ECT2L: variants seen among roughly 807,000 people sequenced by gnomAD.
ECT2L encodes the protein epithelial cell transforming 2 like.
A neutral mutation model predicts 122.8 loss-of-function variants in ECT2L; 126 were observed. That is an observed-to-expected ratio of 1.03 (90% CI 0.89 to 1.19). ECT2L has a LOEUF of 1.19. ECT2L is among the 50% of genes most tolerant of loss of function. The pLI is 0.00. For missense variants in ECT2L, 1,012 were observed against 1,064.1 expected (o/e 0.95, Z 0.68); for synonymous variants, 385 against 381.8 (o/e 1.01, Z -0.10).
intron 19 of ECT2L, among the ~76,000 whole-genome samples, chr6:138,888,207 C>G (rs1470526214): frequency 6.6e-6 from 1 of 151,966 alleles, no homozygotes; most frequent in Admixed American, 6.6e-5. Context: ...TCAGAGTCTA[C>G]AAAACTCTCT....
intron 13 of ECT2L, 21 bp from the exon 14 acceptor site, chr6:138,876,450 CA>C: frequency 6.4e-7 from 1 of 1,573,794 alleles, no homozygotes; most frequent in Non-Finnish European, 8.7e-7. Context: ...CTCCAATAAC[CA>C]AGTTTCCATT....
chr6:138,802,263 G>A (rs1241634428), intron 1 of ECT2L, among the ~76,000 whole-genome samples: 4 of 152,268 alleles, frequency 2.6e-5, no homozygotes, highest in African/African-American at 9.6e-5. Flanking sequence ...CAGTCCAGCT[G>A]TGGCATCCTC....
intron 4 of ECT2L, among the ~76,000 whole-genome samples, chr6:138,817,682 T>C (rs578260370): frequency 6.6e-6 from 1 of 152,334 alleles, no homozygotes; most frequent in East Asian, 1.9e-4. Flanking sequence ...CTAATAAGTA[T>C]TCCCTAGTAA....
At chr6:138,882,641 GC>G in intron 15 of ECT2L, 82 bp from the exon 16 acceptor site, 1 of 1,514,682 alleles carries the variant, frequency 6.6e-7, no homozygotes, top group Non-Finnish European at 9.0e-7. Context: ...GGGTGAAAAT[GC>G]CCATGCTGAT....
At chr6:138,847,353 A>G (rs1777258278) in intron 8 of ECT2L, among the ~76,000 whole-genome samples, 1 of 127,092 alleles carries the variant, frequency 7.9e-6, no homozygotes, top group African/African-American at 3.6e-5. Context: ...TAAAGGCCCA[A>G]ACTTTTTTTT....
intron 19 of ECT2L, 111 bp downstream of exon 19, chr6:138,887,033 C>G: frequency 4.7e-6 from 4 of 853,078 alleles, no homozygotes; most frequent in Admixed American, 2.0e-5. Flanking sequence ...GGAATGCCTG[C>G]TACGTGCCAG....
rs552594959 is a variant in ECT2L at position 138,890,492 on chromosome 6, C to CTTTTTTTTTTTTTTTTTTTTTTTT, written c.2414+1466_2414+1489dup. Among the ~76,000 whole-genome samples, 14 of 78,986 alleles carry CTTTTTTTTTTTTTTTTTTTTTTTT rather than the reference C, an allele frequency of 1.8e-4. 4 individuals carry two copies. The highest frequency in any genetic ancestry group is 1.4e-3 in the South Asian group (2 of 1,390). 51.8% of individuals were successfully genotyped at this position (78,986 alleles called of 152,430 possible). On this transcript the variant is annotated intron_variant, in intron 20 of 21. Transcript: ENST00000541398. Reference sequence around the variant, plus strand: ...TCATGACATTTTTGTTTTCTTTGATCTTTTTTTTTTTTTTTTTTTTTTTTT... The same window carrying CTTTTTTTTTTTTTTTTTTTTTTTT: ...TCATGACATTTTTGTTTTCTTTGATCTTTTTTTTTTTTTTTTTTTTTTTTTTTTTTTTTTTTTTTTTTTTTTTTT...
In ECT2L at chr6:138,876,453, G is replaced by A. The variant is rs776194071; in HGVS notation, c.1579-19G>A. 15 of 1,583,854 alleles carry A rather than the reference G, an allele frequency of 9.5e-6. No homozygotes were observed. The highest frequency in any genetic ancestry group is 1.7e-5 in the Admixed American group (1 of 59,586). ...GTCAAGACCTGCCTCCAATAACCAA[G>A]TTTCCATTCAATCTTCAGGAAAGAA... is the stretch of plus-strand genomic sequence containing the variant. On this transcript the variant is annotated intron_variant, in intron 13 of 21. Coordinates refer to ENST00000541398, the MANE Select transcript of ECT2L (RefSeq NM_001077706.3).
rs752822340 is a variant in ECT2L at position 138,902,507 on chromosome 6, G to A, written c.2595G>A (p.Lys865=). The change falls in exon 22 of 22, where the codon AAG becomes AAA. Residue 865 remains lysine, a synonymous_variant. Coordinates refer to ENST00000541398, the MANE Select transcript of ECT2L (RefSeq NM_001077706.3). ...IENIPDSKYV[K]NAFILQGPKY... ...CCTCAAATGCTTTTACAGATGTCAA[G>A]AATGCATTTATTCTTCAGGGTCCAA... 2.5e-6 allele frequency: 4 copies of A among 1,612,658 alleles called. No individual in the cohort carries two copies. Among genetic ancestry groups the A allele is most frequent in the African/African-American group, 2.7e-5 (2 of 74,868 alleles).
At chr6:138,799,063 G>C (rs1392982913) in intron 1 of ECT2L, among the ~76,000 whole-genome samples, 1 of 152,216 alleles carries the variant, frequency 6.6e-6, no homozygotes, top group Non-Finnish European at 1.5e-5. Context: ...TGAATCTGCT[G>C]TGATTCTGGG....
chr6:138,831,128 A>G (rs1776637563), intron 4 of ECT2L, among the ~76,000 whole-genome samples: 1 of 152,120 alleles, frequency 6.6e-6, no homozygotes, highest in South Asian at 2.1e-4. Flanking sequence ...ACCACTTATC[A>G]ATTTACCCCC....
intron 20 of ECT2L, among the ~76,000 whole-genome samples, chr6:138,895,287 CAT>C (rs1779170433): frequency 6.6e-6 from 1 of 152,226 alleles, no homozygotes; most frequent in East Asian, 1.9e-4. Context: ...AGTACCAACT[CAT>C]ATAAGGCTTT....
intron 1 of ECT2L, among the ~76,000 whole-genome samples, chr6:138,799,197 C>G (rs886557716): frequency 1.3e-5 from 2 of 152,154 alleles, no homozygotes; most frequent in African/African-American, 4.8e-5. Context: ...CAGGAAAAAT[C>G]TAGTATAATT....
Position 138,849,163 on chromosome 6 carries a change from A to T in ECT2L, c.904-106A>T, listed in dbSNP as rs1363752565. On this transcript the variant is annotated intron_variant, in intron 8 of 21. Transcript: ENST00000541398. ...TTATCTTCTTCCATAATCTCTGAAA[A>T]TTCTTTAGAAATCACGGCGTATTTT... 3 of 1,152,142 alleles carry T rather than the reference A, an allele frequency of 2.6e-6. No homozygotes were observed. In the African/African-American group the frequency reaches 4.8e-5, roughly 18 times the overall value. The allele number at this position is 1,152,142 out of a possible 1,614,324, so 71.4% of individuals were successfully genotyped here.
At chr6:138,876,402 G>A (rs1251973152) in intron 13 of ECT2L, 70 bp from the exon 14 acceptor site, 14 of 1,057,846 alleles carry the variant, frequency 1.3e-5, no homozygotes, top group East Asian at 2.4e-5. Context: ...GGCCTCCTGC[G>A]GGCACAGTAC....
intron 1 of ECT2L, among the ~76,000 whole-genome samples, chr6:138,808,058 G>GCA (rs149490489): frequency 2.0e-5 from 3 of 150,262 alleles, no homozygotes; most frequent in African/African-American, 2.4e-5. Context: ...ACACAGCCAT[G>GCA]CACACACACA....
rs1258537265 is a variant in ECT2L at position 138,813,353 on chromosome 6, C to T, written c.66+13C>T. 5.7e-6 allele frequency: 9 copies of T among 1,590,524 alleles called. No individual in the cohort carries two copies. The highest frequency in any genetic ancestry group is 7.7e-6 in the Non-Finnish European group (9 of 1,167,822). ...ATTAAATAGACAGGTAAGTTACATA[C>T]TTTAAAACAGAACAAGTTTAATTCG... On this transcript the variant is annotated intron_variant, in intron 3 of 21. Transcript: ENST00000541398.
chr6:138,899,174 G>T (rs534578237), intron 20 of ECT2L, among the ~76,000 whole-genome samples: 39 of 151,922 alleles, frequency 2.6e-4, no homozygotes, highest in Middle Eastern at 3.4e-3. Flanking sequence ...TGAAGTAAGA[G>T]AGAGAGGGAG....
At chr6:138,896,658 T>C (rs909878686) in intron 20 of ECT2L, among the ~76,000 whole-genome samples, 1 of 152,104 alleles carries the variant, frequency 6.6e-6, no homozygotes, top group Non-Finnish European at 1.5e-5. Flanking sequence ...GTACTGAAAC[T>C]CTCTTTTTGA....
Sources: gnomAD v4.1 joint callset for allele counts (sites outside exome capture counted in the v4.1 genomes callset) on GRCh38, gnomAD v4.1.1 for gene constraint, MANE v1.5 for transcripts, NCBI Gene and HGNC (gene_info 2026-07-23, HGNC 2026-07-21) for gene names.